The following NLRP3 variants were observed in gnomAD, a reference collection of about 807,000 sequenced individuals.
NLRP3 encodes NACHT, LRR and PYD domains-containing protein 3.
Under a neutral mutation model 91.3 loss-of-function variants are expected in NLRP3, and 48 were observed. The observed-to-expected ratio is 0.53, with a 90% CI of 0.42 to 0.67. NLRP3 has a LOEUF of 0.67. NLRP3 is among the 30% of genes least tolerant of loss of function. NLRP3 has a pLI of 0.00. For synonymous variants in NLRP3, 561 were observed against 507.9 expected, an observed-to-expected ratio of 1.10 and a Z score of -1.41; for missense variants, 982 against 1,276.9, an observed-to-expected ratio of 0.77 and a Z score of 3.52.
Position 247,444,002 on chromosome 1 carries a change from T to C in NLRP3, c.2694T>C (p.Cys898=). ...TGAATTCTGGCCTTACGTCAGTCTG[T>C]TGTTCAGCTTTGTCCTCGGTACTCA... The part of the protein sequence containing the change: ...GLVNSGLTSV[C]CSALSSVLST... Residue 898 remains cysteine, a synonymous_variant, in exon 8 of 10, where the codon TGT becomes TGC. Transcript: ENST00000336119. The C allele has an allele frequency of 1.9e-6, 3 of 1,614,192 alleles. No homozygotes were observed. The South Asian group carries it at 3.3e-5, about 18-fold the overall frequency.
chr1:247,434,209 G>A lies in NLRP3; in HGVS notation c.2428G>A (p.Asp810Asn), dbSNP rs1663614471. The A allele has an allele frequency of 1.2e-6, 2 of 1,614,130 alleles. No homozygotes were observed. The highest frequency in any genetic ancestry group is 1.3e-5 in the African/African-American group (1 of 74,936). Residue 810 changes from aspartate to asparagine, a missense_variant, in exon 6 of 10, where the codon GAC (aspartate) becomes AAC (asparagine). Physicochemically the swap from Asp to Asn is conservative, Grantham distance 23 (BLOSUM62 1). Coordinates refer to ENST00000336119, the MANE Select transcript of NLRP3 (RefSeq NM_001243133.2). Reference protein sequence around the residue: ...ELDLSDNALGDFGIRLLCVGL... With the variant: ...ELDLSDNALGNFGIRLLCVGL... ...GGACCTGAGTGACAACGCCCTCGGT[G>A]ACTTCGGAATCAGACTTCTGTGTGT...
intron 4 of NLRP3, among the ~76,000 whole-genome samples, chr1:247,428,646 CTTT>C (rs1663079751): frequency 1.4e-5 from 1 of 72,894 alleles, no homozygotes; most frequent in Non-Finnish European, 4.6e-5. Flanking sequence ...AGCCACCTGG[CTTT>C]TTTTAAATAA....
chr1:247,417,295 T>G (rs555392780), intron 1 of NLRP3, among the ~76,000 whole-genome samples: 1 of 152,250 alleles, frequency 6.6e-6, no homozygotes, highest in African/African-American at 2.4e-5. Flanking sequence ...AAGACTCAGT[T>G]TATGCATCTA....
chr1:247,420,531 T>A (rs1304542470), intron 2 of NLRP3, among the ~76,000 whole-genome samples: 1 of 151,936 alleles, frequency 6.6e-6, no homozygotes. Flanking sequence ...CTGGCCAACA[T>A]GGCAAAACCC....
intron 9 of NLRP3, among the ~76,000 whole-genome samples, chr1:247,448,122 T>C (rs1664708986): frequency 6.6e-6 from 1 of 151,930 alleles, no homozygotes; most frequent in African/African-American, 2.4e-5. Context: ...CCTGGGGGTC[T>C]GAGGCTCCCA....
At chr1:247,433,484 C>G (rs939360395) in intron 5 of NLRP3, among the ~76,000 whole-genome samples, 1 of 152,198 alleles carries the variant, frequency 6.6e-6, no homozygotes, top group Non-Finnish European at 1.5e-5. Context: ...TCTCAATGCA[C>G]CCGGCACTGT....
Position 247,447,820 on chromosome 1 carries a change from T to TA in NLRP3, c.3006-581dup, listed in dbSNP as rs755129924. Among the ~76,000 whole-genome samples, 227 of 152,298 alleles carry TA rather than the reference T, an allele frequency of 1.5e-3. 1 individual carries two copies. The highest frequency in any genetic ancestry group is 3.4e-3 in the Middle Eastern group (1 of 294). On this transcript the variant is annotated intron_variant, in intron 9 of 9. Transcript: ENST00000336119. Reference sequence around the variant, plus strand: ...TGATAGATGCATTAAATGCAGTATTTAAAATAATCCATGGGTGGGAGGAGT... The same window carrying TA: ...TGATAGATGCATTAAATGCAGTATTTAAAAATAATCCATGGGTGGGAGGAGT...
chr1:247,441,161 T>C (rs201088673), intron 7 of NLRP3, among the ~76,000 whole-genome samples: 63 of 140,816 alleles, frequency 4.5e-4, no homozygotes, highest in East Asian at 1.4e-3. Context: ...CTCTCTCTCT[T>C]TCTTTCTTTC....
In NLRP3 at chr1:247,444,089, C is replaced by T; in HGVS notation, c.2781C>T (p.Ile927=). The T allele has an allele frequency of 2.5e-6, 4 of 1,614,198 alleles. No individual in the cohort carries two copies. Among genetic ancestry groups the T allele is most frequent in the Non-Finnish European group, 3.4e-6 (4 of 1,180,044 alleles). Residue 927 remains isoleucine (I), a synonymous_variant, in exon 8 of 10, where the codon ATC becomes ATT. Coordinates refer to ENST00000336119, the MANE Select transcript of NLRP3 (RefSeq NM_001243133.2). ...GCAACACTCTCGGAGACAAGGGGAT[C>T]AAACTACTCTGTGAGGGACTCTTGC... The part of the protein sequence containing the change: ...LRGNTLGDKG[I]KLLCEGLLHP...
Position 247,424,263 on chromosome 1 carries a change from G to A in NLRP3, c.814G>A (p.Asp272Asn), listed in dbSNP as rs1374519501. 6.2e-7 allele frequency: 1 copy of A among 1,613,938 alleles called. No homozygotes were observed. The highest frequency in any genetic ancestry group is 8.5e-7 in the Non-Finnish European group (1 of 1,180,020). ...VSLVTQRSLG[D>N]LIMSCCPDPN... ...CCTTGTGACACAGAGGAGCCTGGGG[G>A]ACCTGATCATGAGCTGCTGCCCCGA... The change falls in exon 4 of 10, where the codon GAC becomes AAC. Residue 272 changes from aspartate (D) to asparagine (N), a missense_variant. Asp to Asn is a conservative substitution (Grantham distance 23, BLOSUM62 1). Around this residue, in one of 5 missense-constraint regions of NLRP3, gnomAD observed 548 missense variants for 713.7 expected, o/e 0.77. Coordinates refer to ENST00000336119, the MANE Select transcript of NLRP3 (RefSeq NM_001243133.2). The surrounding 1 kb of genome is among the most constrained non-coding windows in gnomAD (Gnocchi z 8.1).
chr1:247,443,759 C>T (rs1369334961), intron 7 of NLRP3: 2 of 589,278 alleles, frequency 3.4e-6, no homozygotes, highest in African/African-American at 3.7e-5. Flanking sequence ...CGGACTCATA[C>T]AGCAAAGCAT....
intron 2 of NLRP3, 55 bp from the exon 3 acceptor site, chr1:247,423,175 T>C (rs1275919777): frequency 2.5e-6 from 4 of 1,611,874 alleles, no homozygotes; most frequent in African/African-American, 1.3e-5. Flanking sequence ...CAGGTTTCAA[T>C]TGCATCCTCT....
chr1:247,441,683 A>T (rs948507118), intron 7 of NLRP3, among the ~76,000 whole-genome samples: 31 of 152,372 alleles, frequency 2.0e-4, no homozygotes, highest in South Asian at 6.2e-4. Flanking sequence ...TGTCAATCAC[A>T]TTCCTCTAAT....
At chr1:247,416,809 G>A (rs939943439) in intron 1 of NLRP3, among the ~76,000 whole-genome samples, 1 of 152,194 alleles carries the variant, frequency 6.6e-6, no homozygotes, top group African/African-American at 2.4e-5. Flanking sequence ...TGGGACGGGA[G>A]AGATGAGTGA....
chr1:247,419,834 G>C (rs1433249996), intron 2 of NLRP3, among the ~76,000 whole-genome samples: 1 of 152,140 alleles, frequency 6.6e-6, no homozygotes, highest in East Asian at 1.9e-4. Flanking sequence ...ATGAACACCT[G>C]GATTACTTCT....
intron 4 of NLRP3, among the ~76,000 whole-genome samples, chr1:247,426,634 C>T (rs1030959787): frequency 1.3e-5 from 2 of 152,208 alleles, no homozygotes; most frequent in Non-Finnish European, 2.9e-5. Context: ...GACTGACTGC[C>T]CACAGGGCCG....
intron 1 of NLRP3, 92 bp downstream of exon 1, chr1:247,416,285 T>C (rs1449211531): frequency 1.3e-5 from 2 of 152,390 alleles, no homozygotes; most frequent in African/African-American, 4.8e-5. Flanking sequence ...TCCTGGTTAA[T>C]GCACTAGGAA....
At position 247,420,287 on chromosome 1, in the gene NLRP3, G is replaced by T. The variant is rs558497746; in HGVS notation, c.277+1210G>T. On this transcript the variant is annotated intron_variant, in intron 2 of 9. Coordinates refer to ENST00000336119, the MANE Select transcript of NLRP3 (RefSeq NM_001243133.2). Reference sequence around the variant, plus strand: ...TGGCTTTTGTTGTTGCCTTGTAGGAGTTCTTTATGTATTCTAGATATTAAC... The same window carrying T: ...TGGCTTTTGTTGTTGCCTTGTAGGATTTCTTTATGTATTCTAGATATTAAC... Among the ~76,000 whole-genome samples, 21 of 152,182 alleles carry T rather than the reference G, an allele frequency of 1.4e-4. No homozygotes were observed. In the South Asian group the frequency reaches 3.9e-3, roughly 29 times the overall value.
chr1:247,423,872 C>G lies in NLRP3; in HGVS notation c.423C>G (p.Tyr141Ter). The G allele has an allele frequency of 6.2e-7, 1 of 1,613,924 alleles. No individual in the cohort carries two copies. Among genetic ancestry groups the G allele is most frequent in the Non-Finnish European group, 8.5e-7 (1 of 1,179,982 alleles). ...KKDYRKKYRK[Y>*]VRSRFQCIED... Reference sequence around the variant, plus strand: ...ATTACCGTAAGAAGTACAGAAAGTACGTGAGAAGCAGATTCCAGTGCATTG... The same window carrying G: ...ATTACCGTAAGAAGTACAGAAAGTAGGTGAGAAGCAGATTCCAGTGCATTG... The change falls in exon 4 of 10, where the codon TAC becomes TAG. Residue 141 changes from tyrosine to a stop codon, truncating the protein, a stop_gained. Transcript: ENST00000336119. LOFTEE classifies it high-confidence loss of function.
Sources: allele counts gnomAD v4.1 joint callset (sites outside exome capture counted in the v4.1 genomes callset), GRCh38; gene constraint gnomAD v4.1.1; regional missense constraint gnomAD v4.1.1; non-coding constraint Gnocchi (gnomAD v3.1); transcripts MANE v1.5; gene names NCBI Gene and HGNC (gene_info 2026-07-23, HGNC 2026-07-21).